PRR11: variants seen among roughly 807,000 people sequenced by gnomAD.
PRR11 encodes proline-rich protein 11.
A neutral mutation model predicts 45.6 loss-of-function variants in PRR11; 30 were observed. The observed-to-expected ratio is 0.66, with a 90% CI of 0.49 to 0.89. PRR11 has a LOEUF of 0.89. Among genes scored for constraint, PRR11 ranks in the 40% least tolerant of loss-of-function variants. The pLI, the probability that PRR11 is intolerant of heterozygous loss-of-function variation, is 0.00. For missense variants in PRR11, 373 were observed against 424.8 expected, an observed-to-expected ratio of 0.88 and a Z score of 1.07; for synonymous variants, 128 against 153.5, an observed-to-expected ratio of 0.83 and a Z score of 1.23.
In PRR11 at chr17:59,197,695, G is replaced by T. The variant is rs1166835215; in HGVS notation, c.920G>T (p.Ser307Ile). ...TGTTATTTTCAATACCTTTGCAGGA[G>T]CCCAGGTGGAACCCCTCTTACCAAT... ...KLLRKVDVER[S>I]PGGTPLTNKE... Residue 307 changes from serine to isoleucine, a missense_variant and splice_region_variant, in exon 9 of 10, where the codon AGC becomes ATC. Physicochemically the swap from Ser to Ile is moderately radical, Grantham distance 142. Transcript: ENST00000262293. The T allele has an allele frequency of 6.2e-7, 1 of 1,613,702 alleles. No homozygotes were observed. Among genetic ancestry groups the T allele is most frequent in the East Asian group, 2.2e-5 (1 of 44,898 alleles).
intron 1 of PRR11, among the ~76,000 whole-genome samples, chr17:59,156,817 C>T (rs969245672): frequency 1.3e-5 from 2 of 152,008 alleles, no homozygotes; most frequent in Admixed American, 6.6e-5. Flanking sequence ...TTAGTAGAGA[C>T]GGGGTTTCAC....
intron 7 of PRR11, among the ~76,000 whole-genome samples, chr17:59,196,087 CAA>C (rs57940331): frequency 0.012 from 838 of 71,292 alleles, 10 homozygotes; most frequent in East Asian, 0.032. Context: ...GACTCCATCT[CAA>C]AAAAAAAAAA....
chr17:59,161,422 A>C (rs2046652189), intron 1 of PRR11, among the ~76,000 whole-genome samples: 1 of 151,390 alleles, frequency 6.6e-6, no homozygotes, highest in South Asian at 2.1e-4. Flanking sequence ...AAAAAAAAAA[A>C]ACAAAAACAT....
intron 7 of PRR11, among the ~76,000 whole-genome samples, chr17:59,196,977 T>A (rs2046869042): frequency 6.6e-6 from 1 of 151,744 alleles, no homozygotes. Flanking sequence ...GCCTCCCGAG[T>A]AGCTGGGATT....
At chr17:59,199,691 C>G (rs2046883351) in intron 9 of PRR11, among the ~76,000 whole-genome samples, 1 of 152,214 alleles carries the variant, frequency 6.6e-6, no homozygotes, top group African/African-American at 2.4e-5. Flanking sequence ...TCTCTGGATG[C>G]AGGGACATAG....
At chr17:59,165,015 G>GT (rs1289676348) in intron 1 of PRR11, among the ~76,000 whole-genome samples, 12 of 150,882 alleles carry the variant, frequency 8.0e-5, no homozygotes, top group South Asian at 4.2e-4. Context: ...TTTTTGTTTT[G>GT]TTTTTTTGTT....
rs748340459 is a variant in PRR11, at chr17:59,193,626, G to T, written c.537G>T (p.Gln179His). Residue 179 changes from glutamine (Q) to histidine (H), a missense_variant, in exon 5 of 10, where the codon CAG becomes CAT. Transcript: ENST00000262293. ...CTGTGCTTCCTCCCACACTGCCACA[G>T]CCAGCCAGCCATTTTCCTCCTCCTC... ...SKAVLPPTLPQPASHFPPPPP... is the reference protein window; with the variant it reads ...SKAVLPPTLPHPASHFPPPPP... 1.9e-6 allele frequency: 3 copies of T among 1,614,072 alleles called. No individual in the cohort carries two copies. In the Admixed American group the frequency reaches 5.0e-5, roughly 27 times the overall value.
intron 1 of PRR11, among the ~76,000 whole-genome samples, chr17:59,168,158 A>C (rs995560583): frequency 6.6e-6 from 1 of 150,480 alleles, no homozygotes; most frequent in Non-Finnish European, 1.5e-5. Context: ...ATTTTATTTT[A>C]TTTTATTTTA....
At chr17:59,178,940 TTAAG>T (rs1343197113) in intron 2 of PRR11, among the ~76,000 whole-genome samples, 2 of 152,206 alleles carry the variant, frequency 1.3e-5, no homozygotes, top group Admixed American at 6.5e-5. Flanking sequence ...GCAAGAGACA[TTAAG>T]TTTCAGAGGG....
At chr17:59,166,579 A>G (rs1189372859) in intron 1 of PRR11, among the ~76,000 whole-genome samples, 1 of 152,164 alleles carries the variant, frequency 6.6e-6, no homozygotes, top group Non-Finnish European at 1.5e-5. Context: ...ATGGTAATAT[A>G]TTTAATGTTA....
chr17:59,173,759 G>A (rs1420341074), intron 2 of PRR11, among the ~76,000 whole-genome samples: 2 of 152,170 alleles, frequency 1.3e-5, no homozygotes, highest in African/African-American at 2.4e-5. Context: ...CCTGGTTCTG[G>A]GAGGACGACT....
At chr17:59,184,864 T>G (rs550812583) in intron 2 of PRR11, among the ~76,000 whole-genome samples, 190 bp from the exon 3 acceptor site, 2 of 144,440 alleles carry the variant, frequency 1.4e-5, no homozygotes, top group East Asian at 2.0e-4. Context: ...TTTTTTTTTT[T>G]TTTTTTTTTT....
In PRR11 at chr17:59,202,014, G is replaced by A. The variant is rs569763242; in HGVS notation, c.*383G>A. ...ACCCACCCAAATCCTTTTTTTTAAT[G>A]TAGTAGGGTTTATATAGATATACTA... On this transcript the variant is annotated 3_prime_UTR_variant, in exon 10 of 10. Coordinates refer to ENST00000262293, the MANE Select transcript of PRR11 (RefSeq NM_018304.4). 58 of 225,272 alleles carry A rather than the reference G, an allele frequency of 2.6e-4. No individual in the cohort carries two copies. The highest frequency in any genetic ancestry group is 2.2e-3 in the Admixed American group (43 of 19,770). The allele number at this position is 225,272 out of a possible 1,614,324, so 14.0% of individuals were successfully genotyped here.
rs374092540 is a variant in PRR11, at chr17:59,193,657, C to T, written c.568C>T (p.Pro190Ser). Residue 190 changes from proline (P) to serine (S), a missense_variant, in exon 5 of 10, where the codon CCT becomes TCT. Coordinates refer to ENST00000262293, the MANE Select transcript of PRR11 (RefSeq NM_018304.4). ...PASHFPPPPPPPPLPPPPPPL... is the reference protein window; with the variant it reads ...PASHFPPPPPSPPLPPPPPPL... ...CAGCCATTTTCCTCCTCCTCCTCCA[C>T]CTCCACCTCTGCCACCTCCTCCACC... The T allele has an allele frequency of 2.4e-5, 39 of 1,614,172 alleles. No individual in the cohort carries two copies. In the African/African-American group the frequency reaches 4.3e-4, roughly 18 times the overall value.
At chr17:59,189,049 A>G (rs1257125653) in intron 4 of PRR11, among the ~76,000 whole-genome samples, 1 of 151,630 alleles carries the variant, frequency 6.6e-6, no homozygotes, top group African/African-American at 2.4e-5. Context: ...ATTAAAATGT[A>G]TAACTTTGGG....
At chr17:59,186,948 G>A (rs1165550190) in intron 4 of PRR11, among the ~76,000 whole-genome samples, 2 of 152,146 alleles carry the variant, frequency 1.3e-5, no homozygotes, top group Non-Finnish European at 2.9e-5. Context: ...AGCTACTCAA[G>A]AAACTGAAAT....
At chr17:59,164,587 G>T (rs1450496915) in intron 1 of PRR11, among the ~76,000 whole-genome samples, 3 of 152,098 alleles carry the variant, frequency 2.0e-5, no homozygotes, top group Non-Finnish European at 2.9e-5. Context: ...GGATTCTAGG[G>T]CTCCCAATCA....
At chr17:59,181,490 C>A in intron 2 of PRR11, 1 of 1,114,748 alleles carries the variant, frequency 9.0e-7, no homozygotes, top group Non-Finnish European at 1.3e-6. Flanking sequence ...ATTGGAGGTG[C>A]TCTCTGGGGT....
chr17:59,177,118 G>T (rs1165141758), intron 2 of PRR11: 1 of 554,562 alleles, frequency 1.8e-6, no homozygotes, highest in East Asian at 5.2e-5. Flanking sequence ...CACTTCCCCC[G>T]CTGTCCCAGG....
Sources: allele counts gnomAD v4.1 joint callset (sites outside exome capture counted in the v4.1 genomes callset), GRCh38; gene constraint gnomAD v4.1.1; transcripts MANE v1.5; gene names NCBI Gene and HGNC (gene_info 2026-07-23, HGNC 2026-07-21).